The following CREB5 variants were observed in gnomAD, a reference collection of about 807,000 sequenced individuals.
CREB5 encodes the protein cyclic AMP-responsive element-binding protein 5.
A neutral mutation model predicts 57.1 loss-of-function variants in CREB5; 19 were observed. That is an observed-to-expected ratio of 0.33 (90% confidence interval 0.23 to 0.49). CREB5 has a LOEUF of 0.49. Among genes scored for constraint, CREB5 ranks in the 20% least tolerant of loss-of-function variants. The pLI, the probability that CREB5 is intolerant of heterozygous loss-of-function variation, is 0.99. For missense variants in CREB5, 579 were observed against 671.6 expected (o/e 0.86, Z 1.52); for synonymous variants, 238 against 238.3 (o/e 1.00, Z 0.01).
chr7:28,481,635 C>A (rs967644510), intron 1 of CREB5, among the ~76,000 whole-genome samples: 7 of 152,118 alleles, frequency 4.6e-5, no homozygotes, highest in African/African-American at 1.7e-4. Flanking sequence ...ATAATAATAG[C>A]CCAATGAAAT....
intron 7 of CREB5, among the ~76,000 whole-genome samples, chr7:28,794,619 T>C (rs962577676): frequency 6.6e-6 from 1 of 152,140 alleles, no homozygotes; most frequent in Non-Finnish European, 1.5e-5. Context: ...GGGACATTGA[T>C]GGAATAAGAA....
intron 1 of CREB5, among the ~76,000 whole-genome samples, chr7:28,314,889 G>A (rs1785347110): frequency 6.6e-6 from 1 of 152,208 alleles, no homozygotes. Flanking sequence ...GCGTGTTGAA[G>A]GCTGTAGAAA....
intron 4 of CREB5, among the ~76,000 whole-genome samples, chr7:28,515,584 C>G (rs1008798254): frequency 6.6e-6 from 1 of 152,134 alleles, no homozygotes; most frequent in Non-Finnish European, 1.5e-5. Context: ...ATGCCCGACT[C>G]CCCTGGTTCT....
At chr7:28,526,182 A>C (rs1264363328) in intron 4 of CREB5, among the ~76,000 whole-genome samples, 2 of 152,240 alleles carry the variant, frequency 1.3e-5, no homozygotes, top group Non-Finnish European at 2.9e-5. Flanking sequence ...GTTAGTGTCT[A>C]TGATCCATAC....
intron 4 of CREB5, among the ~76,000 whole-genome samples, chr7:28,531,332 G>A (rs1793719815): frequency 6.6e-6 from 1 of 152,164 alleles, no homozygotes; most frequent in Non-Finnish European, 1.5e-5. Flanking sequence ...GAGCTTTGAA[G>A]GAGGCACTGC....
intron 4 of CREB5, among the ~76,000 whole-genome samples, chr7:28,539,911 T>C (rs1169731030): frequency 6.6e-6 from 1 of 152,218 alleles, no homozygotes; most frequent in Non-Finnish European, 1.5e-5. Flanking sequence ...GCCTAAGTTG[T>C]AAAGCAAGTG....
intron 1 of CREB5, among the ~76,000 whole-genome samples, chr7:28,468,273 T>C (rs1414035584): frequency 6.6e-6 from 1 of 152,194 alleles, no homozygotes; most frequent in Admixed American, 6.5e-5. Flanking sequence ...TTAAAGATAA[T>C]GCCCAGTCTC....
At chr7:28,519,741 T>C (rs1402891160) in intron 4 of CREB5, among the ~76,000 whole-genome samples, 1 of 152,264 alleles carries the variant, frequency 6.6e-6, no homozygotes, top group African/African-American at 2.4e-5. Flanking sequence ...TTATACAATG[T>C]ACTGGTGTAT....
chr7:28,471,663 T>G (rs1790814164), intron 1 of CREB5, among the ~76,000 whole-genome samples: 1 of 152,214 alleles, frequency 6.6e-6, no homozygotes, highest in South Asian at 2.1e-4. Context: ...TAAAAGAACC[T>G]TAGACGTTTG....
At chr7:28,755,538 T>C (rs532377329) in intron 7 of CREB5, among the ~76,000 whole-genome samples, 46 of 152,280 alleles carry the variant, frequency 3.0e-4, no homozygotes, top group African/African-American at 1.0e-3. Flanking sequence ...TTTTAGGCAA[T>C]AGTGAGTCAC....
chr7:28,516,982 G>A (rs769008125), intron 4 of CREB5, among the ~76,000 whole-genome samples: 82 of 152,210 alleles, frequency 5.4e-4, no homozygotes, highest in Non-Finnish European at 5.4e-4. Context: ...GGAAGCTCAC[G>A]CTGTCCTCCG....
At chr7:28,565,331 T>G (rs1019875931) in intron 4 of CREB5, among the ~76,000 whole-genome samples, 50 of 152,288 alleles carry the variant, frequency 3.3e-4, no homozygotes, top group African/African-American at 1.1e-3. Flanking sequence ...ACAGGCAGCT[T>G]GTTGTGTCTT....
chr7:28,427,789 C>A (rs1412964531), intron 1 of CREB5, among the ~76,000 whole-genome samples: 2 of 152,096 alleles, frequency 1.3e-5, no homozygotes, highest in East Asian at 1.9e-4. Flanking sequence ...CAATCTATTT[C>A]TTTCCTGGGT....
chr7:28,516,622 G>C (rs1010889125), intron 4 of CREB5, among the ~76,000 whole-genome samples: 2 of 152,182 alleles, frequency 1.3e-5, no homozygotes, highest in African/African-American at 4.8e-5. Context: ...AGTCCAAGTG[G>C]ATTCTAGTGG....
At chr7:28,537,025 A>C (rs1219823659) in intron 4 of CREB5, among the ~76,000 whole-genome samples, 1 of 152,222 alleles carries the variant, frequency 6.6e-6, no homozygotes, top group East Asian at 1.9e-4. Flanking sequence ...ATTGTGCTGG[A>C]AGCTTAATGC....
chr7:28,776,055 C>A (rs150667088), intron 7 of CREB5, among the ~76,000 whole-genome samples: 1 of 152,046 alleles, frequency 6.6e-6, no homozygotes, highest in African/African-American at 2.4e-5. Context: ...GTTAAGCGTG[C>A]GGCTGGGCGC....
At chr7:28,375,442 A>G (rs561125517) in intron 1 of CREB5, among the ~76,000 whole-genome samples, 2 of 152,312 alleles carry the variant, frequency 1.3e-5, no homozygotes, top group East Asian at 1.9e-4. Flanking sequence ...TTAGTATTTG[A>G]TAGCACAACA....
At chr7:28,646,138 C>T (rs1005179402) in intron 5 of CREB5, among the ~76,000 whole-genome samples, 1 of 152,134 alleles carries the variant, frequency 6.6e-6, no homozygotes, top group Non-Finnish European at 1.5e-5. Flanking sequence ...GTCATGTGAA[C>T]CTGTCCCTCA....
intron 1 of CREB5, among the ~76,000 whole-genome samples, chr7:28,456,976 C>G (rs73297191): frequency 0.1 from 15,362 of 152,152 alleles, 2,605 homozygotes; most frequent in African/African-American, 0.35. Context: ...CAAGGAAGCC[C>G]AAGAACATGG....
Sources: gnomAD v4.1 joint callset for allele counts (sites outside exome capture counted in the v4.1 genomes callset) on GRCh38, gnomAD v4.1.1 for gene constraint, MANE v1.5 for transcripts, NCBI Gene and HGNC (gene_info 2026-07-23, HGNC 2026-07-21) for gene names.